SYTL5: variants seen among roughly 807,000 people sequenced by gnomAD.
SYTL5 encodes the protein synaptotagmin-like protein 5.
Under a neutral mutation model 55.9 loss-of-function variants are expected in SYTL5, and 34 were observed. That is an observed-to-expected ratio of 0.61 (90% CI 0.46 to 0.81). The LOEUF is 0.81. Among genes scored for constraint, SYTL5 ranks in the 30% least tolerant of loss-of-function variants. The probability of loss-of-function intolerance (pLI) is 0.00; values close to 1 mark genes in which losing one functional copy is unlikely to be tolerated. For missense variants in SYTL5, 637 were observed against 546.7 expected, an observed-to-expected ratio of 1.17 and a Z score of -1.65; for synonymous variants, 221 against 188.7, an observed-to-expected ratio of 1.17 and a Z score of -1.40.
chrX:38,000,367 A>G, the SYTL5 span, among the ~76,000 whole-genome samples: 10,469 of 111,449 alleles, frequency 0.094, 856 homozygotes, highest in African/African-American at 0.25. Context: ...ATGGGTACAT[A>G]GTAGGTGTAT....
intron 2 of SYTL5, among the ~76,000 whole-genome samples, chrX:38,049,634 C>T (rs1935570011): frequency 8.9e-6 from 1 of 111,813 alleles, no homozygotes; most frequent in Non-Finnish European, 1.9e-5. Context: ...TTTCTGATTA[C>T]ACTCCATTGG....
the SYTL5 span, among the ~76,000 whole-genome samples, chrX:37,943,392 G>C: frequency 9.0e-6 from 1 of 111,550 alleles, no homozygotes; most frequent in Admixed American, 9.5e-5. Context: ...GTCTTGAAAT[G>C]GGGGAAGGAG....
chrX:37,943,142 T>C, the SYTL5 span, among the ~76,000 whole-genome samples: 14 of 112,280 alleles, frequency 1.2e-4, no homozygotes, highest in East Asian at 3.9e-3. Flanking sequence ...GTCAGTATTG[T>C]TTTAAGTACC....
chrX:37,915,227 C>T, the SYTL5 span, among the ~76,000 whole-genome samples: 1 of 111,757 alleles, frequency 8.9e-6, no homozygotes, highest in African/African-American at 3.3e-5. Flanking sequence ...GTTGACATGA[C>T]CTTTTTCTTT....
At chrX:37,987,071 A>G in the SYTL5 span, among the ~76,000 whole-genome samples, 19,806 of 110,888 alleles carry the variant, frequency 0.18, 2,927 homozygotes, top group African/African-American at 0.49. Flanking sequence ...GGATTTGTCC[A>G]TGGAATGTTA....
At chrX:37,927,842 C>T in the SYTL5 span, among the ~76,000 whole-genome samples, 5 of 111,480 alleles carry the variant, frequency 4.5e-5, no homozygotes, top group East Asian at 1.1e-3. Context: ...TCTGTCTTAT[C>T]GTGTACTTGC....
chrX:37,995,549 G>C, the SYTL5 span, among the ~76,000 whole-genome samples: 6 of 112,091 alleles, frequency 5.4e-5, no homozygotes, highest in African/African-American at 9.7e-5. Flanking sequence ...TAGCCCAGAT[G>C]GTCACTTTCT....
chrX:37,904,440 A>G, the SYTL5 span, among the ~76,000 whole-genome samples: 1 of 110,874 alleles, frequency 9.0e-6, no homozygotes, highest in Non-Finnish European at 1.9e-5. Context: ...ATAGAGGTAG[A>G]AAAACTGAAG....
At chrX:37,992,228 C>T in the SYTL5 span, among the ~76,000 whole-genome samples, 1 of 112,951 alleles carries the variant, frequency 8.9e-6, no homozygotes, top group African/African-American at 3.2e-5. Context: ...CTTTTCAAAA[C>T]TTCCTGCTCT....
At chrX:37,955,477 A>G in the SYTL5 span, among the ~76,000 whole-genome samples, 1 of 112,311 alleles carries the variant, frequency 8.9e-6, no homozygotes, top group African/African-American at 3.2e-5. Context: ...GAGGTAAAAG[A>G]CTGGAATTAT....
the SYTL5 span, among the ~76,000 whole-genome samples, chrX:37,973,791 T>C: frequency 1.8e-5 from 2 of 110,308 alleles, no homozygotes; most frequent in African/African-American, 6.6e-5. Flanking sequence ...CCCACCACCA[T>C]GGCTGGCTAT....
Position 38,126,774 on chromosome X carries a change from C to T in SYTL5, c.*44C>T. On this transcript the variant is annotated 3_prime_UTR_variant, in exon 17 of 17. Coordinates refer to ENST00000297875, the MANE Select transcript of SYTL5 (RefSeq NM_138780.3). ...AATGAGGCCACCAGGACCTATCTGG[C>T]TGTCTTTTCCTACCATTAGCAAACT... 2.6e-6 allele frequency: 3 copies of T among 1,148,570 alleles called. No homozygotes were observed. Among genetic ancestry groups the T allele is most frequent in the Non-Finnish European group, 3.5e-6 (3 of 856,557 alleles). The allele number at this position is 1,148,570 out of a possible 1,213,427, so 94.7% of individuals were successfully genotyped here.
chrX:37,916,000 A>G, the SYTL5 span, among the ~76,000 whole-genome samples: 1 of 111,054 alleles, frequency 9.0e-6, no homozygotes. Context: ...CTTTTTTTTT[A>G]AATAATAATA....
chrX:38,056,002 A>T (rs1935768330), intron 3 of SYTL5, among the ~76,000 whole-genome samples: 1 of 111,379 alleles, frequency 9.0e-6, no homozygotes, highest in Admixed American at 9.5e-5. Flanking sequence ...TTAAATGTAA[A>T]ATTAAATTAT....
At chrX:37,986,207 T>A in the SYTL5 span, among the ~76,000 whole-genome samples, 2 of 103,914 alleles carry the variant, frequency 1.9e-5, no homozygotes, top group East Asian at 2.9e-4. Context: ...AAGGACACTA[T>A]TTTTTTTTTT....
At chrX:37,986,900 G>A in the SYTL5 span, among the ~76,000 whole-genome samples, 1 of 111,358 alleles carries the variant, frequency 9.0e-6, no homozygotes, top group African/African-American at 3.3e-5. Context: ...TAAGTTCTAG[G>A]GTACATGTGC....
Position 38,089,586 on chromosome X carries a change from G to C in SYTL5, c.830G>C (p.Arg277Thr). ...STRTVTSVIS[R>T]EYGFENSMDL... is the part of the protein sequence containing the mutation. Reference sequence around the variant, plus strand: ...CGAACTGTGACCTCAGTCATCAGTAGAGTAAGTACACAAACCTGATGAACA... The same window carrying C: ...CGAACTGTGACCTCAGTCATCAGTACAGTAAGTACACAAACCTGATGAACA... Residue 277 changes from arginine to threonine, a missense_variant and splice_region_variant, in exon 7 of 17, where the codon AGA becomes ACA. Transcript: ENST00000297875. 1 of 1,207,577 alleles carries C rather than the reference G, an allele frequency of 8.3e-7. No homozygotes were observed. Among genetic ancestry groups the C allele is most frequent in the Non-Finnish European group, 1.1e-6 (1 of 893,918 alleles).
chrX:38,043,175 G>A, intron 2 of SYTL5, among the ~76,000 whole-genome samples: 1 of 111,313 alleles, frequency 9.0e-6, no homozygotes, highest in Non-Finnish European at 1.9e-5. Context: ...GGGCATCAAT[G>A]TCTGCAACTT....
chrX:38,108,244 C>T (rs1937263391), intron 11 of SYTL5, among the ~76,000 whole-genome samples: 2 of 111,732 alleles, frequency 1.8e-5, no homozygotes, highest in Non-Finnish European at 1.9e-5. Context: ...TTAATCCTCA[C>T]AAGGCCATCA....
Sources: gnomAD v4.1 joint callset for allele counts (sites outside exome capture counted in the v4.1 genomes callset) on GRCh38, gnomAD v4.1.1 for gene constraint, MANE v1.5 for transcripts, NCBI Gene and HGNC (gene_info 2026-07-23, HGNC 2026-07-21) for gene names.